Variants in ARMC2 observed in about 807,000 individuals in gnomAD.
ARMC2 encodes armadillo repeat-containing protein 2.
ARMC2 carries 67 observed loss-of-function variants against 90.3 expected under a neutral mutation model. The observed-to-expected ratio is 0.74, with a 90% CI of 0.61 to 0.91. ARMC2 has a LOEUF of 0.91. Ranked by LOEUF, ARMC2 falls within the 40% of genes least tolerant of loss-of-function variation. ARMC2 has a pLI of 0.00. For synonymous variants in ARMC2, 393 were observed against 393.0 expected (o/e 1.00, Z 0.00); for missense variants, 920 against 1,030.9 (o/e 0.89, Z 1.47).
intron 13 of ARMC2, among the ~76,000 whole-genome samples, chr6:108,958,648 G>A (rs1214998673): frequency 6.6e-6 from 1 of 152,186 alleles, no homozygotes; most frequent in Non-Finnish European, 1.5e-5. Context: ...TGGGGCTGGA[G>A]GAAACTAGGG....
chr6:108,853,571 TG>T (rs971347999), intron 1 of ARMC2, among the ~76,000 whole-genome samples: 1 of 152,198 alleles, frequency 6.6e-6, no homozygotes, highest in Non-Finnish European at 1.5e-5. Flanking sequence ...TTTGTCTCCA[TG>T]GAACACACCA....
At chr6:108,997,904 G>C in the ARMC2 span, among the ~76,000 whole-genome samples, 5 of 152,100 alleles carry the variant, frequency 3.3e-5, no homozygotes, top group Non-Finnish European at 7.4e-5. Context: ...AACTTGCTCT[G>C]TTTCAAAGGA....
chr6:108,946,685 G>A (rs552691509), intron 12 of ARMC2, among the ~76,000 whole-genome samples: 3 of 152,112 alleles, frequency 2.0e-5, no homozygotes, highest in African/African-American at 7.2e-5. Flanking sequence ...TAGAGAGTTC[G>A]GATTTTAAGT....
At chr6:108,932,443 G>A (rs1775629057) in intron 11 of ARMC2, among the ~76,000 whole-genome samples, 1 of 148,418 alleles carries the variant, frequency 6.7e-6, no homozygotes, top group Non-Finnish European at 1.5e-5. Context: ...AAGGGGTCCA[G>A]CTTCAGTCTT....
At position 108,936,980 on chromosome 6, in the gene ARMC2, A is replaced by G; in HGVS notation, c.1577A>G (p.Asn526Ser). 1 of 1,596,938 alleles carries G rather than the reference A, an allele frequency of 6.3e-7. No homozygotes were observed. Among genetic ancestry groups the G allele is most frequent in the Non-Finnish European group, 8.5e-7 (1 of 1,170,826 alleles). Residue 526 changes from asparagine (N) to serine (S), a missense_variant, in exon 12 of 18, where the codon AAC becomes AGC. Asn to Ser is a conservative substitution (Grantham distance 46). Transcript: ENST00000392644. Reference sequence around the variant, plus strand: ...TATGCCTTATTTCTGAATCTAATTAACAAATACCAGAAGAAGCAGGTCAGT... The same window carrying G: ...TATGCCTTATTTCTGAATCTAATTAGCAAATACCAGAAGAAGCAGGTCAGT... ...RCYALFLNLI[N>S]KYQKKQDLVV...
At position 108,888,419 on chromosome 6, in the gene ARMC2, C is replaced by T. The variant is rs116682131; in HGVS notation, c.672-6048C>T. On this transcript the variant is annotated intron_variant, in intron 5 of 17. Transcript: ENST00000392644. ...CCGAGGTCACACGGCTGTAAGTGGT[C>T]GGACCATGGGATTTAAACCATAGGA... 4.3e-3 allele frequency among the ~76,000 whole-genome samples: 658 copies of T among 152,202 alleles called. 3 individuals are homozygous for T. Among genetic ancestry groups the T allele is most frequent in the African/African-American group, 0.015 (603 of 41,520 alleles).
chr6:108,982,772 T>C, the ARMC2 span, among the ~76,000 whole-genome samples: 4 of 152,070 alleles, frequency 2.6e-5, no homozygotes, highest in African/African-American at 9.7e-5. Flanking sequence ...ATTTGTATTA[T>C]CATCTTTGGA....
chr6:108,851,720 T>G (rs1029165456), intron 1 of ARMC2, among the ~76,000 whole-genome samples: 3 of 152,160 alleles, frequency 2.0e-5, no homozygotes, highest in Non-Finnish European at 4.4e-5. Context: ...GAGGATAGCT[T>G]GAGCCCAGGA....
chr6:108,942,546 T>A (rs930539769), intron 12 of ARMC2, among the ~76,000 whole-genome samples: 1 of 152,236 alleles, frequency 6.6e-6, no homozygotes, highest in Non-Finnish European at 1.5e-5. Context: ...GAACTGATTG[T>A]GGAGACCTGA....
chr6:108,889,691 G>T (rs894956203), intron 5 of ARMC2, among the ~76,000 whole-genome samples: 1 of 151,168 alleles, frequency 6.6e-6, no homozygotes, highest in Non-Finnish European at 1.5e-5. Flanking sequence ...GCAAGTGATC[G>T]TCTCACCTAG....
chr6:108,951,087 GA>G (rs1298349831), intron 12 of ARMC2, among the ~76,000 whole-genome samples: 2 of 152,186 alleles, frequency 1.3e-5, no homozygotes, highest in Non-Finnish European at 2.9e-5. Context: ...CTCACAGTAA[GA>G]ATTTTGTCTC....
chr6:108,929,734 C>T (rs778451416), intron 11 of ARMC2, among the ~76,000 whole-genome samples: 2 of 152,174 alleles, frequency 1.3e-5, no homozygotes, highest in South Asian at 2.1e-4. Context: ...CCTCCTGCCT[C>T]AGCTTCCCAA....
At chr6:108,979,700 C>CT in the ARMC2 span, among the ~76,000 whole-genome samples, 1 of 151,788 alleles carries the variant, frequency 6.6e-6, no homozygotes, top group East Asian at 1.9e-4. Context: ...TCTTTTCATT[C>CT]TTTTTTCTCT....
chr6:108,893,849 C>G (rs1280648853), intron 5 of ARMC2, among the ~76,000 whole-genome samples: 1 of 152,038 alleles, frequency 6.6e-6, no homozygotes, highest in Non-Finnish European at 1.5e-5. Context: ...AAACCCCCGT[C>G]TCTACTAAAA....
intron 1 of ARMC2, among the ~76,000 whole-genome samples, chr6:108,849,210 G>A (rs1419385457): frequency 1.3e-5 from 2 of 152,166 alleles, no homozygotes; most frequent in African/African-American, 4.8e-5. Context: ...TAACACAACA[G>A]ATCTTACGTC....
chr6:109,015,035 T>A, the ARMC2 span, among the ~76,000 whole-genome samples: 1 of 152,184 alleles, frequency 6.6e-6, no homozygotes, highest in Non-Finnish European at 1.5e-5. Context: ...CCTCAAAAAT[T>A]ATGTATCGAA....
At chr6:108,888,516 T>G (rs1375795550) in intron 5 of ARMC2, among the ~76,000 whole-genome samples, 2 of 152,220 alleles carry the variant, frequency 1.3e-5, no homozygotes, top group African/African-American at 4.8e-5. Flanking sequence ...GAATAAAGAT[T>G]TGTTTCATGC....
chr6:108,848,988 A>T (rs182999713), intron 1 of ARMC2, among the ~76,000 whole-genome samples: 1 of 152,172 alleles, frequency 6.6e-6, no homozygotes, highest in Non-Finnish European at 1.5e-5. Context: ...GTGGTGCTTA[A>T]TAAGAAGCCC....
chr6:109,001,283 C>G, the ARMC2 span: 1 of 1,610,920 alleles, frequency 6.2e-7, no homozygotes, highest in South Asian at 1.1e-5. Flanking sequence ...TGAATGTTTA[C>G]AAACCATTAT....
Sources: gnomAD v4.1 joint callset for allele counts (sites outside exome capture counted in the v4.1 genomes callset) on GRCh38, gnomAD v4.1.1 for gene constraint, MANE v1.5 for transcripts, NCBI Gene and HGNC (gene_info 2026-07-23, HGNC 2026-07-21) for gene names.